Variants in TMEM232 observed in about 807,000 individuals in gnomAD.
The protein encoded by TMEM232 is transmembrane protein 232.
A neutral mutation model predicts 78.8 loss-of-function variants in TMEM232; 80 were observed. The ratio of observed to expected loss-of-function variants is 1.01; its 90% CI spans 0.85 to 1.22. The LOEUF (loss-of-function observed/expected upper bound fraction) is 1.22, where lower values mean the gene tolerates loss of function less well. Among genes scored for constraint, TMEM232 ranks in the 50% most tolerant of loss-of-function variants. TMEM232 has a pLI of 0.00. For synonymous variants in TMEM232, 297 were observed against 254.3 expected (o/e 1.17, Z -1.60); for missense variants, 881 against 742.2 (o/e 1.19, Z -2.17).
chr5:110,586,167 T>G (rs982744038), intron 10 of TMEM232, among the ~76,000 whole-genome samples: 50 of 152,134 alleles, frequency 3.3e-4, no homozygotes, highest in African/African-American at 1.2e-3. Context: ...TGGTATTTCT[T>G]TTATTATTAT....
At chr5:110,462,943 G>T (rs1761698124) in intron 12 of TMEM232, among the ~76,000 whole-genome samples, 1 of 152,132 alleles carries the variant, frequency 6.6e-6, no homozygotes, top group South Asian at 2.1e-4. Flanking sequence ...ATGGTTTCTT[G>T]AGATGGATTC....
chr5:110,649,146 A>C (rs1787939281), intron 2 of TMEM232, among the ~76,000 whole-genome samples: 1 of 152,232 alleles, frequency 6.6e-6, no homozygotes, highest in East Asian at 1.9e-4. Flanking sequence ...AATATAGACG[A>C]TCTTACAAAC....
chr5:110,393,724 TGGTG>T (rs1221554783), intron 3 of TMEM232, among the ~76,000 whole-genome samples: 1 of 151,974 alleles, frequency 6.6e-6, no homozygotes, highest in African/African-American at 2.4e-5. Flanking sequence ...TGAGAGGCCG[TGGTG>T]GGTGGATCAC....
intron 2 of TMEM232, among the ~76,000 whole-genome samples, chr5:110,408,748 G>A (rs1233332362): frequency 6.6e-6 from 1 of 151,904 alleles, no homozygotes. Context: ...GACAACAACC[G>A]AGAACACTGA....
chr5:110,600,455 A>G (rs1015131775), intron 10 of TMEM232, among the ~76,000 whole-genome samples: 1 of 152,166 alleles, frequency 6.6e-6, no homozygotes, highest in African/African-American at 2.4e-5. Context: ...AATCAAATAC[A>G]TGCAATAAAA....
chr5:110,496,188 G>A (rs1463301539), intron 12 of TMEM232, among the ~76,000 whole-genome samples: 3 of 151,760 alleles, frequency 2.0e-5, no homozygotes, highest in Admixed American at 6.6e-5. Flanking sequence ...GAAGATTTTC[G>A]TTGTACATGT....
rs1363662018 is a variant in TMEM232 at position 110,605,158 on chromosome 5, T to C, written c.1227A>G (p.Thr409=). 1.3e-6 allele frequency: 2 copies of C among 1,549,312 alleles called. No individual in the cohort carries two copies. Among genetic ancestry groups the C allele is most frequent in the East Asian group, 4.9e-5 (2 of 40,796 alleles). ...DKSVPPELKE[T]SILSLLEYFS... is the part of the protein sequence containing the mutation. ...AATATTCCAAAAGACTTAAAATACTTGTTTCCTTTAATTCTGGAGGTACTG... is the reference window on the plus strand; with the variant it reads ...AATATTCCAAAAGACTTAAAATACTCGTTTCCTTTAATTCTGGAGGTACTG... Residue 409 remains threonine (T), a synonymous_variant, in exon 10 of 14, where the codon ACA becomes ACG. Coordinates refer to ENST00000455884, the MANE Select transcript of TMEM232 (RefSeq NM_001039763.4).
At chr5:110,667,571 T>C in intron 1 of TMEM232, 2 of 314,234 alleles carry the variant, frequency 6.4e-6, no homozygotes, top group Non-Finnish European at 1.1e-5. Flanking sequence ...TAAGTATATA[T>C]ATCCAGTCTT....
intron 11 of TMEM232, among the ~76,000 whole-genome samples, chr5:110,541,301 C>T (rs1254415950): frequency 6.6e-6 from 1 of 152,080 alleles, no homozygotes; most frequent in Non-Finnish European, 1.5e-5. Context: ...AGAACCAGTC[C>T]AGAGGAGAGG....
upstream of TMEM232, among the ~76,000 whole-genome samples, chr5:110,728,740 C>T (rs1798391128): frequency 6.7e-6 from 1 of 150,002 alleles, no homozygotes; most frequent in South Asian, 2.1e-4. Context: ...CTAAAATGGC[C>T]ATTAATTAGC....
chr5:110,490,898 C>T (rs766504031), intron 12 of TMEM232, among the ~76,000 whole-genome samples: 2 of 152,048 alleles, frequency 1.3e-5, no homozygotes, highest in South Asian at 2.1e-4. Flanking sequence ...GAAAAATAGG[C>T]GTAAACCTTT....
chr5:110,510,166 A>G (rs866122976), intron 12 of TMEM232, among the ~76,000 whole-genome samples: 2 of 152,192 alleles, frequency 1.3e-5, no homozygotes, highest in Non-Finnish European at 2.9e-5. Flanking sequence ...CAAATGACTC[A>G]CAGCCCAGGC....
chr5:110,593,382 T>C (rs1779761881), intron 10 of TMEM232, among the ~76,000 whole-genome samples: 1 of 152,168 alleles, frequency 6.6e-6, no homozygotes, highest in Non-Finnish European at 1.5e-5. Flanking sequence ...ATTTGAAAAC[T>C]TCAAAATAAA....
intron 1 of TMEM232, among the ~76,000 whole-genome samples, chr5:110,706,058 C>A (rs1222164648): frequency 3.3e-5 from 5 of 151,756 alleles, no homozygotes; most frequent in Non-Finnish European, 5.9e-5. Flanking sequence ...GAAGTTACTT[C>A]TAGGAAAAAA....
intron 10 of TMEM232, among the ~76,000 whole-genome samples, chr5:110,597,044 G>A (rs1451866693): frequency 6.6e-6 from 1 of 152,134 alleles, no homozygotes; most frequent in African/African-American, 2.4e-5. Flanking sequence ...GAAATAAAGG[G>A]TATTCAAATA....
intron 10 of TMEM232, among the ~76,000 whole-genome samples, chr5:110,569,757 T>G (rs1347037961): frequency 6.6e-6 from 1 of 151,928 alleles, no homozygotes; most frequent in Non-Finnish European, 1.5e-5. Flanking sequence ...GTACTAACTA[T>G]GTGGTCCAAT....
intron 1 of TMEM232, among the ~76,000 whole-genome samples, chr5:110,694,664 G>C (rs1457298005): frequency 6.6e-6 from 1 of 151,866 alleles, no homozygotes; most frequent in Non-Finnish European, 1.5e-5. Flanking sequence ...CCTAGTCGCT[G>C]ATAAAACAGA....
chr5:110,583,966 C>CAA (rs60079206), intron 10 of TMEM232, among the ~76,000 whole-genome samples: 12,746 of 98,800 alleles, frequency 0.13, 861 homozygotes, highest in East Asian at 0.45. Context: ...TATCTATTAT[C>CAA]AAAAAAAAAA....
At chr5:110,553,209 A>T (rs1020641614) in intron 11 of TMEM232, among the ~76,000 whole-genome samples, 8 of 152,044 alleles carry the variant, frequency 5.3e-5, no homozygotes, top group African/African-American at 1.9e-4. Context: ...TGCTTTGGCT[A>T]TTCTGGCTCT....
Sources: allele counts gnomAD v4.1 joint callset (sites outside exome capture counted in the v4.1 genomes callset), GRCh38; gene constraint gnomAD v4.1.1; transcripts MANE v1.5; gene names NCBI Gene and HGNC (gene_info 2026-07-23, HGNC 2026-07-21).